Variants in ENPP3 observed in about 807,000 individuals in gnomAD.
ENPP3 encodes ectonucleotide pyrophosphatase/phosphodiesterase family member 3.
In ENPP3, 104 loss-of-function variants were observed where a neutral mutation model predicts 117.8. That is an observed-to-expected ratio of 0.88 (90% CI 0.75 to 1.04). ENPP3 has a LOEUF of 1.04. ENPP3 is among the 50% of genes least tolerant of loss of function. The pLI is 0.00. For synonymous variants in ENPP3, 380 were observed against 349.9 expected, an observed-to-expected ratio of 1.09 and a Z score of -0.96; for missense variants, 1,026 against 1,051.9, an observed-to-expected ratio of 0.98 and a Z score of 0.34.
At chr6:131,723,534 AC>A (rs1245488834) in intron 18 of ENPP3, among the ~76,000 whole-genome samples, 16 of 152,268 alleles carry the variant, frequency 1.1e-4, no homozygotes, top group Non-Finnish European at 2.2e-4. Flanking sequence ...CTGGCTGCAA[AC>A]CCCAAGTTCT....
At chr6:131,723,855 A>ACACACACACAC in intron 18 of ENPP3, among the ~76,000 whole-genome samples, 185 bp from the exon 19 acceptor site, 1 of 150,452 alleles carries the variant, frequency 6.6e-6, no homozygotes, top group African/African-American at 2.5e-5. Context: ...ACACACACAC[A>ACACACACACAC]ATAGGGAGCA....
chr6:131,641,391 G>A, intron 1 of ENPP3, 64 bp from the exon 2 acceptor site: 1 of 992,204 alleles, frequency 1.0e-6, no homozygotes, highest in Non-Finnish European at 1.6e-6. Context: ...GAGAAAGGGT[G>A]GTTATTTGTA....
intron 9 of ENPP3, 193 bp downstream of exon 9, chr6:131,675,382 G>A: frequency 1.8e-6 from 1 of 547,476 alleles, no homozygotes; most frequent in Non-Finnish European, 3.3e-6. Context: ...AAAAATCTAT[G>A]TAGCCTGAGA....
chr6:131,666,954 A>G (rs954187745), intron 6 of ENPP3, among the ~76,000 whole-genome samples: 2 of 152,160 alleles, frequency 1.3e-5, no homozygotes, highest in African/African-American at 4.8e-5. Context: ...TAGGGGCCCC[A>G]AGTGTCTAGA....
chr6:131,674,401 G>A (rs1385453043), intron 8 of ENPP3, 120 bp downstream of exon 8: 7 of 957,922 alleles, frequency 7.3e-6, no homozygotes, highest in Non-Finnish European at 1.2e-5. Flanking sequence ...TAAGGGCTGA[G>A]GGTGCAAAGG....
chr6:131,720,934 G>T (rs1780005065), intron 17 of ENPP3, among the ~76,000 whole-genome samples: 1 of 152,044 alleles, frequency 6.6e-6, no homozygotes, highest in Non-Finnish European at 1.5e-5. Flanking sequence ...CTATTAGTTA[G>T]TTACTAGATG....
In ENPP3 at chr6:131,724,021, A is replaced by G; in HGVS notation, c.1747-19A>G. 4 of 1,596,794 alleles carry G rather than the reference A, an allele frequency of 2.5e-6. No individual in the cohort carries two copies. The highest frequency in any genetic ancestry group is 4.5e-5 in the East Asian group (2 of 44,740). ...TTTGACTTATTTCCTCCCCTTTCCC[A>G]TCCCTCATTATCTTGCAGAGTACTC... On this transcript the variant is annotated intron_variant, in intron 18 of 24. Coordinates refer to ENST00000357639, the MANE Select transcript of ENPP3 (RefSeq NM_005021.5).
At chr6:131,720,020 T>C (rs1025294378) in intron 16 of ENPP3, among the ~76,000 whole-genome samples, 1 of 152,212 alleles carries the variant, frequency 6.6e-6, no homozygotes, top group Non-Finnish European at 1.5e-5. Flanking sequence ...TTGTGTGCCA[T>C]TGTTTGTATT....
At chr6:131,720,224 T>C (rs1779984944) in intron 16 of ENPP3, 68 bp from the exon 17 acceptor site, 24 of 969,590 alleles carry the variant, frequency 2.5e-5, no homozygotes, top group Non-Finnish European at 3.7e-5. Context: ...GAAAATTTTG[T>C]CTCTTCCTAT....
In ENPP3 at chr6:131,724,550, G is replaced by A. The variant is rs570494594; in HGVS notation, c.1798+459G>A. 1.1e-4 allele frequency among the ~76,000 whole-genome samples: 17 copies of A among 152,252 alleles called. No homozygotes were observed. The South Asian group carries it at 2.1e-3, about 19-fold the overall frequency. ...AATTTACAATTGTGCCTGGCCTGTAGCAATATTATTATTACCTGTTATCTT... is the reference window on the plus strand; with the variant it reads ...AATTTACAATTGTGCCTGGCCTGTAACAATATTATTATTACCTGTTATCTT... On this transcript the variant is annotated intron_variant, in intron 19 of 24. Coordinates refer to ENST00000357639, the MANE Select transcript of ENPP3 (RefSeq NM_005021.5).
At chr6:131,668,835 A>C (rs945612997) in intron 6 of ENPP3, among the ~76,000 whole-genome samples, 1 of 152,208 alleles carries the variant, frequency 6.6e-6, no homozygotes. Flanking sequence ...TAGTCTGTTC[A>C]AGTATAACTT....
In ENPP3 at chr6:131,658,333, C is replaced by T; in HGVS notation, c.475C>T (p.Pro159Ser). ...QSQCPEGFDL[P>S]PVILFSMDGF... ...GTTTTCCATTTTCAGGTTTGACCTGCCACCAGTTATCTTGTTTTCTATGGA... is the reference window on the plus strand; with the variant it reads ...GTTTTCCATTTTCAGGTTTGACCTGTCACCAGTTATCTTGTTTTCTATGGA... The change falls in exon 6 of 25, where the codon CCA (proline) becomes TCA (serine). Residue 159 changes from proline to serine, a missense_variant. Physicochemically the swap from Pro to Ser is moderately conservative, Grantham distance 74 (BLOSUM62 -1). Coordinates refer to ENST00000357639, the MANE Select transcript of ENPP3 (RefSeq NM_005021.5). 1 of 1,603,790 alleles carries T rather than the reference C, an allele frequency of 6.2e-7. No individual in the cohort carries two copies. Among genetic ancestry groups the T allele is most frequent in the Non-Finnish European group, 8.5e-7 (1 of 1,171,030 alleles).
At chr6:131,710,056 G>T in intron 15 of ENPP3, 1 of 1,612,866 alleles carries the variant, frequency 6.2e-7, no homozygotes. Flanking sequence ...TAACTTAGCA[G>T]CATGAATCAG....
Position 131,652,852 on chromosome 6 carries a change from A to G in ENPP3, c.425A>G (p.Glu142Gly). 6.2e-7 allele frequency: 1 copy of G among 1,613,676 alleles called. No homozygotes were observed. The highest frequency in any genetic ancestry group is 8.5e-7 in the Non-Finnish European group (1 of 1,179,622). Residue 142 changes from glutamate to glycine, a missense_variant, in exon 5 of 25, where the codon GAA becomes GGA. Transcript: ENST00000357639. ...TCAGGAGAAACCTCATGGCTGGAAG[A>G]AAACTGTGACACAGCCCAGCAGTCT... ...VCQGETSWLEENCDTAQQSQC... is the reference protein window; with the variant it reads ...VCQGETSWLEGNCDTAQQSQC...
intron 2 of ENPP3, among the ~76,000 whole-genome samples, chr6:131,646,758 T>TC (rs1778161726): frequency 6.6e-6 from 1 of 151,414 alleles, no homozygotes. Context: ...TTTTTTTTTT[T>TC]TTTTTAACTT....
rs540011427 is a variant in ENPP3, at chr6:131,641,799, GTTTTTT to G, written c.154+288_154+293del. On this transcript the variant is annotated intron_variant, in intron 2 of 24. Transcript: ENST00000357639. Reference sequence around the variant, plus strand: ...TTTTCTCTTACCTTTCTCCACCCTGGTTTTTTTTTTTTTTTTTTTTTTTTGGCAAGA... The same window carrying G: ...TTTTCTCTTACCTTTCTCCACCCTGGTTTTTTTTTTTTTTTTTTGGCAAGA... Among the ~76,000 whole-genome samples, 67 of 64,062 alleles carry G rather than the reference GTTTTTT, an allele frequency of 1.0e-3. 1 individual carries two copies. The Admixed American group carries it at 0.014, about 14-fold the overall frequency. The allele number at this position is 64,062 out of a possible 152,430, so 42.0% of individuals were successfully genotyped here.
chr6:131,721,596 C>T (rs1212565571), intron 17 of ENPP3, among the ~76,000 whole-genome samples: 1 of 151,798 alleles, frequency 6.6e-6, no homozygotes. Context: ...ATGAAACATA[C>T]AAATACATTT....
At chr6:131,732,012 G>T (rs17060618) in intron 20 of ENPP3, among the ~76,000 whole-genome samples, 4,821 of 152,194 alleles carry the variant, frequency 0.032, 242 homozygotes, top group African/African-American at 0.11. Context: ...ACCTCAGCAT[G>T]GTGCTCTCCT....
intron 15 of ENPP3, among the ~76,000 whole-genome samples, chr6:131,716,400 A>C (rs1410227275): frequency 1.3e-5 from 2 of 152,132 alleles, no homozygotes; most frequent in African/African-American, 4.8e-5. Context: ...GAAATTTTGC[A>C]ATATTTACTA....
Sources: gnomAD v4.1 joint callset for allele counts (sites outside exome capture counted in the v4.1 genomes callset) on GRCh38, gnomAD v4.1.1 for gene constraint, MANE v1.5 for transcripts, NCBI Gene and HGNC (gene_info 2026-07-23, HGNC 2026-07-21) for gene names.